The following FER1L6 variants were observed in gnomAD, a reference collection of about 807,000 sequenced individuals.
The protein encoded by FER1L6 is fer-1-like protein 6.
FER1L6 carries 177 observed loss-of-function variants against 219.2 expected under a neutral mutation model. That is an observed-to-expected ratio of 0.81 (90% CI 0.71 to 0.91). The LOEUF is 0.91. FER1L6 is among the 40% of genes least tolerant of loss of function. The pLI, the probability that FER1L6 is intolerant of heterozygous loss-of-function variation, is 0.00. For synonymous variants in FER1L6, 768 were observed against 824.3 expected (o/e 0.93, Z 1.17); for missense variants, 2,153 against 2,259.9 (o/e 0.95, Z 0.96).
At chr8:123,991,904 TA>T (rs1563729613) in intron 12 of FER1L6, among the ~76,000 whole-genome samples, 2 of 152,148 alleles carry the variant, frequency 1.3e-5, no homozygotes, top group African/African-American at 4.8e-5. Context: ...GGTTTTTTTT[TA>T]AATCATAAAA....
intron 39 of FER1L6, among the ~76,000 whole-genome samples, chr8:124,118,096 T>C (rs1035814872): frequency 2.0e-5 from 3 of 152,168 alleles, no homozygotes; most frequent in Non-Finnish European, 2.9e-5. Context: ...TAATCAATCA[T>C]TGTTAAGGCT....
chr8:123,931,894 G>A (rs966187990), intron 1 of FER1L6, among the ~76,000 whole-genome samples: 2 of 152,160 alleles, frequency 1.3e-5, no homozygotes, highest in African/African-American at 4.8e-5. Flanking sequence ...ACTAAATATT[G>A]AAGTACAAAA....
chr8:123,966,393 C>A, intron 5 of FER1L6, 103 bp downstream of exon 5: 1 of 1,442,546 alleles, frequency 6.9e-7, no homozygotes, highest in Non-Finnish European at 9.5e-7. Context: ...TCCTGCCTCC[C>A]TCCCTGGCCC....
chr8:124,041,811 A>T (rs2130738107), intron 20 of FER1L6, among the ~76,000 whole-genome samples: 1 of 152,210 alleles, frequency 6.6e-6, no homozygotes, highest in African/African-American at 2.4e-5. Flanking sequence ...CATGGTGATG[A>T]TGAGTATAGA....
intron 21 of FER1L6, 149 bp from the exon 22 acceptor site, chr8:124,049,458 G>T: frequency 1.1e-6 from 1 of 887,438 alleles, no homozygotes. Flanking sequence ...CTACGGAAAT[G>T]GGCAAGAGGA....
At chr8:123,859,163 C>G (rs918231235) in intron 1 of FER1L6, among the ~76,000 whole-genome samples, 1 of 152,070 alleles carries the variant, frequency 6.6e-6, no homozygotes, top group Admixed American at 6.5e-5. Context: ...CCACGCCCAG[C>G]TAATTTTCTT....
intron 1 of FER1L6, among the ~76,000 whole-genome samples, chr8:123,889,489 A>T (rs1300848122): frequency 2.0e-5 from 3 of 152,158 alleles, no homozygotes; most frequent in Non-Finnish European, 4.4e-5. Flanking sequence ...AAATGCTAAC[A>T]TCTGATAGTT....
Position 124,118,911 on chromosome 8 carries a change from C to G in FER1L6, c.5357C>G (p.Ala1786Gly). 6.2e-7 allele frequency: 1 copy of G among 1,613,864 alleles called. No homozygotes were observed. The highest frequency in any genetic ancestry group is 1.7e-4 in the Middle Eastern group (1 of 6,056). Residue 1786 changes from alanine (A) to glycine (G), a missense_variant, in exon 40 of 41, where the codon GCC becomes GGC. Transcript: ENST00000522917. ...EEAEKNPVGK[A>G]RKEPEPLAKP... The stretch of plus-strand genomic sequence containing the variant: ...GCTGAGAAAAATCCTGTTGGAAAAG[C>G]CCGAAAGGAGCCAGAGCCCCTGGCC...
At chr8:124,098,303 A>G (rs1822397742) in intron 37 of FER1L6, among the ~76,000 whole-genome samples, 1 of 152,114 alleles carries the variant, frequency 6.6e-6, no homozygotes, top group South Asian at 2.1e-4. Flanking sequence ...AACAGATACA[A>G]CCTAAGACCC....
chr8:123,975,279 C>T lies in FER1L6; in HGVS notation c.656C>T (p.Thr219Ile). The T allele has an allele frequency of 1.9e-6, 3 of 1,611,790 alleles. No homozygotes were observed. The South Asian group carries it at 3.3e-5, about 18-fold the overall frequency. Residue 219 changes from threonine to isoleucine, a missense_variant, in exon 8 of 41, where the codon ACT (threonine) becomes ATT (isoleucine). Physicochemically the swap from Thr to Ile is moderately conservative, Grantham distance 89. Coordinates refer to ENST00000522917, the MANE Select transcript of FER1L6 (RefSeq NM_001039112.2). ...GATGTCTTGAAGACCAGCCCTAAAA[C>T]TTCTGACACCGAGGAGCCAATAGAA... ...KGDVLKTSPK[T>I]SDTEEPIEKN...
chr8:124,056,405 T>C (rs1820299549), intron 22 of FER1L6, among the ~76,000 whole-genome samples: 1 of 152,254 alleles, frequency 6.6e-6, no homozygotes, highest in African/African-American at 2.4e-5. Flanking sequence ...TTCATTCAAC[T>C]TTCTAGGACT....
chr8:123,898,986 C>T (rs192811335), intron 1 of FER1L6, among the ~76,000 whole-genome samples: 7 of 151,520 alleles, frequency 4.6e-5, no homozygotes, highest in East Asian at 3.9e-4. Flanking sequence ...GTATCTTTTG[C>T]GTATAATGAC....
intron 12 of FER1L6, among the ~76,000 whole-genome samples, chr8:123,995,254 G>A (rs1817073847): frequency 6.6e-6 from 1 of 152,148 alleles, no homozygotes; most frequent in African/African-American, 2.4e-5. Flanking sequence ...AAAAACTTGT[G>A]TTTTTCTTTA....
chr8:124,008,067 T>C (rs1034341996), intron 13 of FER1L6, among the ~76,000 whole-genome samples: 2 of 152,110 alleles, frequency 1.3e-5, no homozygotes, highest in African/African-American at 2.4e-5. Flanking sequence ...TGAACCCAAT[T>C]TGTAGTCTTT....
At chr8:123,954,397 C>T (rs890532739) in intron 1 of FER1L6, among the ~76,000 whole-genome samples, 2 of 152,134 alleles carry the variant, frequency 1.3e-5, no homozygotes, top group African/African-American at 2.4e-5. Flanking sequence ...ACTGTTCAAA[C>T]AGCACTGATG....
At position 124,010,610 on chromosome 8, in the gene FER1L6, C is replaced by T; in HGVS notation, c.1717C>T (p.Pro573Ser). The change falls in exon 14 of 41, where the codon CCA becomes TCA. Residue 573 changes from proline to serine, a missense_variant. By Grantham distance (74) the Pro-to-Ser change is moderately conservative. Transcript: ENST00000522917. The part of the protein sequence containing the change: ...TEGNRNYNYL[P>S]FEAKKPCVYF... ...TTTTCACAGGAATTACAACTATTTG[C>T]CATTTGAGGCTAAGAAGCCCTGTGT... The T allele has an allele frequency of 6.2e-7, 1 of 1,613,860 alleles. No individual in the cohort carries two copies.
intron 21 of FER1L6, 36 bp downstream of exon 21, chr8:124,045,937 C>T (rs772870163): frequency 6.2e-7 from 1 of 1,603,610 alleles, no homozygotes; most frequent in East Asian, 2.2e-5. Flanking sequence ...GACCACACCT[C>T]ATAAAAAATG....
intron 1 of FER1L6, among the ~76,000 whole-genome samples, chr8:123,916,829 A>C (rs1813205065): frequency 6.6e-6 from 1 of 152,174 alleles, no homozygotes; most frequent in South Asian, 2.1e-4. Flanking sequence ...TTAATGCGTC[A>C]ATGTCTGGTT....
chr8:123,976,146 A>G, intron 9 of FER1L6, 62 bp downstream of exon 9: 14 of 1,250,840 alleles, frequency 1.1e-5, no homozygotes, highest in Non-Finnish European at 1.5e-5. Context: ...TATCCAAGAT[A>G]TGTTTAATCA....
Sources: gnomAD v4.1 joint callset for allele counts (sites outside exome capture counted in the v4.1 genomes callset) on GRCh38, gnomAD v4.1.1 for gene constraint, MANE v1.5 for transcripts, NCBI Gene and HGNC (gene_info 2026-07-23, HGNC 2026-07-21) for gene names.